Variants in CR2 observed in about 807,000 individuals in gnomAD.
The protein encoded by CR2 is complement receptor type 2.
CR2 carries 96 observed loss-of-function variants against 123.0 expected under a neutral mutation model. That is an observed-to-expected ratio of 0.78 (90% CI 0.66 to 0.93). The LOEUF (loss-of-function observed/expected upper bound fraction) is 0.93, where lower values mean the gene tolerates loss of function less well. Ranked by LOEUF, CR2 falls within the 40% of genes least tolerant of loss-of-function variation. CR2 has a pLI of 0.00. For synonymous variants in CR2, 484 were observed against 469.5 expected (o/e 1.03, Z -0.40); for missense variants, 1,258 against 1,361.0 (o/e 0.92, Z 1.19).
chr1:207,473,707 C>T lies in CR2; in HGVS notation c.2141C>T (p.Ala714Val). The T allele has an allele frequency of 6.2e-7, 1 of 1,613,952 alleles. No homozygotes were observed. The highest frequency in any genetic ancestry group is 1.1e-5 in the South Asian group (1 of 91,088). The change falls in exon 11 of 20, where the codon GCC (alanine) becomes GTC (valine). Residue 714 changes from alanine to valine, a missense_variant. Ala to Val is a moderately conservative substitution (Grantham distance 64). Coordinates refer to ENST00000367057, the MANE Select transcript of CR2 (RefSeq NM_001006658.3). ...CMPSGNWSPS[A>V]PRCEETCQHV... ...CCTTCAGGAAATTGGAGTCCTTCTG[C>T]CCCACGGTGTGAAGGTACTTTAAGT...
chr1:207,458,096 A>ACACACACACACT (rs1231651198), intron 1 of CR2, among the ~76,000 whole-genome samples: 1 of 151,154 alleles, frequency 6.6e-6, no homozygotes, highest in Non-Finnish European at 1.5e-5. Flanking sequence ...ACACACACAC[A>ACACACACACACT]CACTCCTTTT....
intron 18 of CR2, among the ~76,000 whole-genome samples, chr1:207,483,555 G>GTTTTTTTTTTTTT (rs35426473): frequency 6.6e-6 from 1 of 151,158 alleles, no homozygotes; most frequent in Non-Finnish European, 1.5e-5. Context: ...ACTGCACACT[G>GTTTTTTTTTTTTT]TTTTTTTTTC....
Position 207,471,061 on chromosome 1 carries a change from A to C in CR2, c.1467A>C (p.Pro489=). 1 of 1,613,704 alleles carries C rather than the reference A, an allele frequency of 6.2e-7. No individual in the cohort carries two copies. The highest frequency in any genetic ancestry group is 8.5e-7 in the Non-Finnish European group (1 of 1,179,816). The change falls in exon 8 of 20, where the codon CCA becomes CCC. Residue 489 remains proline, a synonymous_variant. Transcript: ENST00000367057. The part of the protein sequence containing the change: ...LTKPQHQFVR[P]DVNSSCGEGY... ...AACCCCAGCACCAATTTGTTAGACCAGATGTCAACTCTTCTTGTGGTGAAG... is the reference window on the plus strand; with the variant it reads ...AACCCCAGCACCAATTTGTTAGACCCGATGTCAACTCTTCTTGTGGTGAAG...
In CR2 at chr1:207,479,992, T is replaced by G; in HGVS notation, c.3127T>G (p.Leu1043Val). 1 of 1,613,042 alleles carries G rather than the reference T, an allele frequency of 6.2e-7. No homozygotes were observed. Among genetic ancestry groups the G allele is most frequent in the Non-Finnish European group, 8.5e-7 (1 of 1,179,110 alleles). ...TTTTCTTCTAGGTATTGCTGCAGGT[T>G]TGATACTTCTTACCTTCTTGATTGT... ...APVLCGIAAG[L>V]ILLTFLIVIT... Residue 1043 changes from leucine to valine, a missense_variant, in exon 18 of 20, where the codon TTG (leucine) becomes GTG (valine). By Grantham distance (32) the Leu-to-Val change is conservative (BLOSUM62 1). Coordinates refer to ENST00000367057, the MANE Select transcript of CR2 (RefSeq NM_001006658.3).
chr1:207,464,819 G>T (rs1658053576), intron 1 of CR2, among the ~76,000 whole-genome samples: 1 of 152,150 alleles, frequency 6.6e-6, no homozygotes, highest in African/African-American at 2.4e-5. Flanking sequence ...ATAAAACAAG[G>T]TTTTTCTGGG....
In CR2 at chr1:207,476,276, A is replaced by G. The variant is rs752201209; in HGVS notation, c.2759A>G (p.Asn920Ser). The G allele has an allele frequency of 3.7e-6, 6 of 1,613,814 alleles. No individual in the cohort carries two copies. The highest frequency in any genetic ancestry group is 1.3e-5 in the African/African-American group (1 of 74,876). Residue 920 changes from asparagine to serine, a missense_variant, in exon 15 of 20, where the codon AAC becomes AGC. Transcript: ENST00000367057. The part of the protein sequence containing the change: ...CPPPPKTPNG[N>S]HTGGNIARFS... ...CCTCCGCCTAAGACCCCTAACGGGAACCATACTGGTGGAAACATAGCTCGA... is the reference window on the plus strand; with the variant it reads ...CCTCCGCCTAAGACCCCTAACGGGAGCCATACTGGTGGAAACATAGCTCGA...
chr1:207,454,590 C>A lies in CR2; in HGVS notation c.58+114C>A. ...GAGACGGTGGGGGCAGTGCTCGACG[C>A]GTGTCCGCCTCCCGCTAGCTTTGAG... On this transcript the variant is annotated intron_variant, in intron 1 of 19. Coordinates refer to ENST00000367057, the MANE Select transcript of CR2 (RefSeq NM_001006658.3). The surrounding 1 kb of genome is among the most constrained non-coding windows in gnomAD (Gnocchi z 4.3). 1 of 779,966 alleles carries A rather than the reference C, an allele frequency of 1.3e-6. No individual in the cohort carries two copies. The highest frequency in any genetic ancestry group is 2.0e-6 in the Non-Finnish European group (1 of 503,592). The allele number at this position is 779,966 out of a possible 1,614,324, so 48.3% of individuals were successfully genotyped here. A position where few individuals can be genotyped will look rare whatever the true frequency, so the allele number is the denominator to read the frequency against.
In CR2 at chr1:207,469,790, T is replaced by C; in HGVS notation, c.913T>C (p.Cys305Arg). 6.2e-7 allele frequency: 1 copy of C among 1,613,944 alleles called. No individual in the cohort carries two copies. ...ATATGGAAGCATAGTCACTTACACT[T>C]GTGACCCGGACCCAGAGGAAGGAGT... ...VSYGSIVTYT[C>R]DPDPEEGVNF... The change falls in exon 6 of 20, where the codon TGT (cysteine) becomes CGT (arginine). Residue 305 changes from cysteine (C) to arginine (R), a missense_variant. Coordinates refer to ENST00000367057, the MANE Select transcript of CR2 (RefSeq NM_001006658.3).
intron 5 of CR2, 95 bp from the exon 6 acceptor site, chr1:207,469,600 C>A: frequency 1.8e-6 from 2 of 1,124,940 alleles, no homozygotes; most frequent in Non-Finnish European, 2.7e-6. Flanking sequence ...ACTCGGATAT[C>A]ACTGTCCTAG....
At chr1:207,461,795 T>G (rs1450374690) in intron 1 of CR2, among the ~76,000 whole-genome samples, 3 of 152,168 alleles carry the variant, frequency 2.0e-5, no homozygotes, top group African/African-American at 7.2e-5. Flanking sequence ...TCTGTAAAGG[T>G]GAGTAATCCT....
Position 207,454,423 on chromosome 1 carries a change from G to T in CR2, c.5G>T (p.Gly2Val). The T allele has an allele frequency of 3.2e-6, 5 of 1,583,366 alleles. No individual in the cohort carries two copies. The South Asian group carries it at 5.7e-5, about 18-fold the overall frequency. Residue 2 changes from glycine (G) to valine (V), a missense_variant, in exon 1 of 20, where the codon GGC (glycine) becomes GTC (valine). Gly to Val is a moderately radical substitution (Grantham distance 109). Transcript: ENST00000367057. The surrounding 1 kb of genome is among the most constrained non-coding windows in gnomAD (Gnocchi z 4.3). ...CGCGGGGGCTTCGGCCGTGGCATGG[G>T]CGCCGCGGGCCTGCTCGGGGTTTTC... Reference protein sequence around the residue: MGAAGLLGVFLA... With the variant: MVAAGLLGVFLA...
At chr1:207,483,695 AG>A (rs1658670369) in intron 18 of CR2, among the ~76,000 whole-genome samples, 1 of 152,006 alleles carries the variant, frequency 6.6e-6, no homozygotes, top group Non-Finnish European at 1.5e-5. Context: ...GCTCACATGA[AG>A]GCGATGAGGT....
At chr1:207,479,222 T>C (rs750856657) in intron 16 of CR2, 35 bp from the exon 17 acceptor site, 14 of 1,532,260 alleles carry the variant, frequency 9.1e-6, no homozygotes, top group Admixed American at 1.7e-5. Context: ...GACACTATAC[T>C]GATAATCATT....
Position 207,475,285 on chromosome 1 carries a change from A to G in CR2, c.2716+69A>G, listed in dbSNP as rs1201520181. 1.2e-5 allele frequency: 19 copies of G among 1,544,576 alleles called. 1 individual carries two copies. The highest frequency in any genetic ancestry group is 4.5e-5 in the East Asian group (2 of 44,538). On this transcript the variant is annotated intron_variant, in intron 14 of 19. Transcript: ENST00000367057. ...TAAAGAAAAGAGGTTTTGAATCTGC[A>G]CTTGACATTCTGCCTAAAGAAAAGC... is the stretch of plus-strand genomic sequence containing the variant.
chr1:207,456,518 A>G lies in CR2; in HGVS notation c.58+2042A>G, dbSNP rs146939930. Among the ~76,000 whole-genome samples, 696 of 152,334 alleles carry G rather than the reference A, an allele frequency of 4.6e-3. 3 individuals carry two copies. The highest frequency in any genetic ancestry group is 0.012 in the African/African-American group (498 of 41,558). ...ACACTGCTATAAGCAAAGTCAATGG[A>G]AGCAAATTTCCTTTTTAGTGTTTTC... On this transcript the variant is annotated intron_variant, in intron 1 of 19. Coordinates refer to ENST00000367057, the MANE Select transcript of CR2 (RefSeq NM_001006658.3).
intron 1 of CR2, among the ~76,000 whole-genome samples, chr1:207,462,574 A>G (rs1434647241): frequency 6.6e-6 from 1 of 152,210 alleles, no homozygotes; most frequent in East Asian, 1.9e-4. Context: ...TTTTAGAAAG[A>G]TAAATGTGCA....
At chr1:207,478,479 G>A (rs1658504383) in intron 16 of CR2, among the ~76,000 whole-genome samples, 1 of 125,228 alleles carries the variant, frequency 8.0e-6, no homozygotes. Flanking sequence ...AGTGAACCAT[G>A]ATTGCACCAC....
In CR2 at chr1:207,468,428, A is replaced by G. The variant is rs905924473; in HGVS notation, c.446-99A>G. On this transcript the variant is annotated intron_variant, in intron 2 of 19. Coordinates refer to ENST00000367057, the MANE Select transcript of CR2 (RefSeq NM_001006658.3). Reference sequence around the variant, plus strand: ...GCCCAAGACAATTTTTCTTCTTCCAATGTTGCCCAGGGAAGCCAAAAGATT... The same window carrying G: ...GCCCAAGACAATTTTTCTTCTTCCAGTGTTGCCCAGGGAAGCCAAAAGATT... 73 of 1,192,812 alleles carry G rather than the reference A, an allele frequency of 6.1e-5. No individual in the cohort carries two copies. The Middle Eastern group carries it at 7.4e-4, about 12-fold the overall frequency. 73.9% of individuals were successfully genotyped at this position (1,192,812 alleles called of 1,614,324 possible). A position where few individuals can be genotyped will look rare whatever the true frequency, so the allele number is the denominator to read the frequency against.
Position 207,466,739 on chromosome 1 carries a change from G to GC in CR2, c.275dup (p.Glu93Ter). 6.2e-7 allele frequency: 1 copy of GC among 1,614,052 alleles called. No individual in the cohort carries two copies. The highest frequency in any genetic ancestry group is 8.5e-7 in the Non-Finnish European group (1 of 1,179,964). ...GAATATTTCAATAAATATTCTTCTT[G>GC]CCCTGAGCCCATAGTACCAGGAGGA... On this transcript the variant is annotated frameshift_variant, in exon 2 of 20. Coordinates refer to ENST00000367057, the MANE Select transcript of CR2 (RefSeq NM_001006658.3). LOFTEE classifies it high-confidence loss of function.
Sources: gnomAD v4.1 joint callset for allele counts (sites outside exome capture counted in the v4.1 genomes callset) on GRCh38, gnomAD v4.1.1 for gene constraint, Gnocchi (gnomAD v3.1) non-coding constraint, MANE v1.5 for transcripts, NCBI Gene and HGNC (gene_info 2026-07-23, HGNC 2026-07-21) for gene names.